The following SLC9A9 variants were observed in gnomAD, a reference collection of about 807,000 sequenced individuals.
The protein encoded by SLC9A9 is sodium/hydrogen exchanger 9.
A neutral mutation model predicts 77.8 loss-of-function variants in SLC9A9; 62 were observed. The observed-to-expected ratio is 0.80, with a 90% CI of 0.65 to 0.98. The LOEUF (loss-of-function observed/expected upper bound fraction) is 0.98, where lower values mean the gene tolerates loss of function less well. SLC9A9 is among the 50% of genes least tolerant of loss of function. The pLI, the probability that SLC9A9 is intolerant of heterozygous loss-of-function variation, is 0.00. For synonymous variants in SLC9A9, 320 were observed against 283.5 expected (o/e 1.13, Z -1.29); for missense variants, 775 against 774.9 (o/e 1.00, Z 0.00).
rs191874676 is a variant in SLC9A9 at position 143,388,597 on chromosome 3, T to C, written c.1470-6483A>G. ...TTGGCTGCCATCTAGGAAGCACTCA[T>C]GAAATATTAGTTGATGCTCTCCTTG... On this transcript the variant is annotated intron_variant, in intron 12 of 15. Transcript: ENST00000316549. Among the ~76,000 whole-genome samples the C allele has an allele frequency of 3.1e-3, 468 of 152,328 alleles. 2 individuals are homozygous for C. The highest frequency in any genetic ancestry group is 5.7e-3 in the Non-Finnish European group (389 of 68,008).
chr3:143,387,652 A>G (rs879320912), intron 12 of SLC9A9, among the ~76,000 whole-genome samples: 3 of 152,102 alleles, frequency 2.0e-5, no homozygotes, highest in African/African-American at 7.2e-5. Context: ...ATGAGCATCA[A>G]GCTCAATTTT....
intron 9 of SLC9A9, among the ~76,000 whole-genome samples, chr3:143,537,391 A>T (rs1259516565): frequency 6.6e-6 from 1 of 152,136 alleles, no homozygotes; most frequent in Non-Finnish European, 1.5e-5. Flanking sequence ...CCCATCCCTC[A>T]GCTGCCTGCA....
At chr3:143,789,329 C>A (rs892935898) in intron 4 of SLC9A9, among the ~76,000 whole-genome samples, 2 of 152,154 alleles carry the variant, frequency 1.3e-5, no homozygotes, top group South Asian at 2.1e-4. Context: ...GAAAAACATA[C>A]TAATTCTGTG....
At chr3:143,564,670 A>C (rs1363118998) in intron 8 of SLC9A9, among the ~76,000 whole-genome samples, 1 of 152,188 alleles carries the variant, frequency 6.6e-6, no homozygotes, top group East Asian at 1.9e-4. Flanking sequence ...ATTACCATCT[A>C]GTTCACCATA....
chr3:143,309,155 A>T (rs1186461730), intron 14 of SLC9A9, among the ~76,000 whole-genome samples: 1 of 152,142 alleles, frequency 6.6e-6, no homozygotes, highest in Non-Finnish European at 1.5e-5. Flanking sequence ...TAAATACATA[A>T]ATCAAGGATT....
intron 4 of SLC9A9, among the ~76,000 whole-genome samples, chr3:143,695,796 T>C (rs2360863): frequency 0.43 from 65,352 of 151,792 alleles, 14,226 homozygotes; most frequent in South Asian, 0.6. Flanking sequence ...ACACTCCCAT[T>C]AACAGTGTAA....
At chr3:143,540,645 T>A (rs1432502512) in intron 9 of SLC9A9, among the ~76,000 whole-genome samples, 1 of 152,186 alleles carries the variant, frequency 6.6e-6, no homozygotes, top group Admixed American at 6.5e-5. Flanking sequence ...AATACATGCA[T>A]GCAATTTTCT....
intron 4 of SLC9A9, among the ~76,000 whole-genome samples, chr3:143,769,153 A>ATAT (rs1485689698): frequency 1.3e-5 from 2 of 152,200 alleles, no homozygotes; most frequent in African/African-American, 4.8e-5. Context: ...TAGATAGTAA[A>ATAT]TATTATTACT....
At chr3:143,389,956 A>C (rs2033518641) in intron 12 of SLC9A9, among the ~76,000 whole-genome samples, 1 of 152,260 alleles carries the variant, frequency 6.6e-6, no homozygotes, top group Non-Finnish European at 1.5e-5. Context: ...ATGCAGATGC[A>C]GAGCTGGGAT....
At chr3:143,720,713 C>A (rs1054995867) in intron 4 of SLC9A9, among the ~76,000 whole-genome samples, 1 of 152,158 alleles carries the variant, frequency 6.6e-6, no homozygotes, top group African/African-American at 2.4e-5. Context: ...TCCTAACCTC[C>A]CCAGCCACCT....
chr3:143,738,518 T>C (rs1239742364), intron 4 of SLC9A9, among the ~76,000 whole-genome samples: 1 of 152,176 alleles, frequency 6.6e-6, no homozygotes, highest in Non-Finnish European at 1.5e-5. Flanking sequence ...ATATTATTCC[T>C]GGGCTGTTTT....
intron 12 of SLC9A9, among the ~76,000 whole-genome samples, chr3:143,419,701 G>T (rs1030239550): frequency 6.6e-6 from 1 of 152,164 alleles, no homozygotes; most frequent in African/African-American, 2.4e-5. Flanking sequence ...TCACAGTCTA[G>T]CGGGGGATCC....
At chr3:143,493,864 G>A (rs1576534352) in intron 10 of SLC9A9, 100 bp from the exon 11 acceptor site, 1 of 876,912 alleles carries the variant, frequency 1.1e-6, no homozygotes, top group Non-Finnish European at 1.9e-6. Flanking sequence ...TCTTCATTAT[G>A]ACCCCAAAAC....
chr3:143,581,396 T>C (rs1195696209), intron 6 of SLC9A9, among the ~76,000 whole-genome samples: 1 of 152,188 alleles, frequency 6.6e-6, no homozygotes, highest in African/African-American at 2.4e-5. Flanking sequence ...GCCTACAGTA[T>C]AGCTTTATTT....
At chr3:143,635,173 A>G (rs901956615) in intron 6 of SLC9A9, among the ~76,000 whole-genome samples, 4 of 152,298 alleles carry the variant, frequency 2.6e-5, no homozygotes, top group Non-Finnish European at 5.9e-5. Flanking sequence ...GATCGCCCAC[A>G]TGTCTGGCAA....
chr3:143,526,956 G>T (rs1243023925), intron 9 of SLC9A9, among the ~76,000 whole-genome samples: 1 of 152,136 alleles, frequency 6.6e-6, no homozygotes, highest in African/African-American at 2.4e-5. Flanking sequence ...ATAGATAAGT[G>T]TGACATTCGT....
chr3:143,337,905 A>T (rs892222855), intron 14 of SLC9A9, among the ~76,000 whole-genome samples: 3 of 152,212 alleles, frequency 2.0e-5, no homozygotes, highest in African/African-American at 7.2e-5. Context: ...GAGTGGCACC[A>T]GTCATGGTCC....
At chr3:143,474,061 A>G (rs1423399498) in intron 11 of SLC9A9, among the ~76,000 whole-genome samples, 1 of 152,210 alleles carries the variant, frequency 6.6e-6, no homozygotes, top group Non-Finnish European at 1.5e-5. Context: ...GTTAGGTGAC[A>G]TTTGAGCAGA....
chr3:143,345,405 A>T (rs933235636), intron 14 of SLC9A9, among the ~76,000 whole-genome samples: 2 of 152,198 alleles, frequency 1.3e-5, no homozygotes, highest in African/African-American at 4.8e-5. Context: ...ACAAGGAGGA[A>T]GCAATCAACA....
Sources: gnomAD v4.1 joint callset for allele counts (sites outside exome capture counted in the v4.1 genomes callset) on GRCh38, gnomAD v4.1.1 for gene constraint, MANE v1.5 for transcripts, NCBI Gene and HGNC (gene_info 2026-07-23, HGNC 2026-07-21) for gene names.